Variants in PPM1H observed in about 807,000 individuals in gnomAD.
The protein encoded by PPM1H is protein phosphatase 1H.
Under a neutral mutation model 54.9 loss-of-function variants are expected in PPM1H, and 27 were observed. The ratio of observed to expected loss-of-function variants is 0.49; its 90% confidence interval spans 0.36 to 0.68. PPM1H has a LOEUF of 0.68. Among genes scored for constraint, PPM1H ranks in the 30% least tolerant of loss-of-function variants. The pLI is 0.00. For synonymous variants in PPM1H, 305 were observed against 270.8 expected (o/e 1.13, Z -1.24); for missense variants, 596 against 667.8 (o/e 0.89, Z 1.19).
At chr12:62,732,178 G>A (rs573680822) in intron 5 of PPM1H, among the ~76,000 whole-genome samples, 2 of 152,244 alleles carry the variant, frequency 1.3e-5, no homozygotes, top group East Asian at 3.9e-4. Context: ...TCACACACCT[G>A]CCACATTCCG....
chr12:62,888,407 A>G (rs542456285), intron 1 of PPM1H, among the ~76,000 whole-genome samples: 1 of 152,292 alleles, frequency 6.6e-6, no homozygotes, highest in South Asian at 2.1e-4. Flanking sequence ...CCATCTACCT[A>G]TGAATGGTAT....
intron 6 of PPM1H, among the ~76,000 whole-genome samples, chr12:62,716,439 C>T (rs2076234946): frequency 6.6e-6 from 1 of 152,166 alleles, no homozygotes; most frequent in Non-Finnish European, 1.5e-5. Context: ...TTGTCAGCCC[C>T]ATTACCATGA....
At chr12:62,825,797 G>T (rs984099729) in intron 2 of PPM1H, among the ~76,000 whole-genome samples, 9 of 151,982 alleles carry the variant, frequency 5.9e-5, no homozygotes, top group Non-Finnish European at 1.3e-4. Context: ...ATGAGTTAAT[G>T]GGTGCAGCAA....
chr12:62,801,755 G>A (rs1338296972), intron 3 of PPM1H, 61 bp downstream of exon 3: 2 of 1,567,958 alleles, frequency 1.3e-6, no homozygotes, highest in Non-Finnish European at 1.7e-6. Context: ...CAGGAAGGAC[G>A]GACAGACCTG....
At chr12:62,923,441 C>G (rs996605780) in intron 1 of PPM1H, among the ~76,000 whole-genome samples, 2 of 151,958 alleles carry the variant, frequency 1.3e-5, no homozygotes, top group African/African-American at 4.8e-5. Context: ...CCCTCTTGGC[C>G]CCCAGGCTGG....
At chr12:62,924,563 C>T (rs1292522394) in intron 1 of PPM1H, among the ~76,000 whole-genome samples, 1 of 152,234 alleles carries the variant, frequency 6.6e-6, no homozygotes, top group Non-Finnish European at 1.5e-5. Context: ...TCGAGACTAT[C>T]ATCCACTGGT....
intron 1 of PPM1H, among the ~76,000 whole-genome samples, chr12:62,878,324 G>T (rs1870255423): frequency 6.6e-6 from 1 of 152,060 alleles, no homozygotes; most frequent in African/African-American, 2.4e-5. Flanking sequence ...CCCCCATCAG[G>T]GTGTGGCACA....
At chr12:62,771,177 T>C (rs768876494) in intron 4 of PPM1H, among the ~76,000 whole-genome samples, 19 of 150,070 alleles carry the variant, frequency 1.3e-4, no homozygotes, top group South Asian at 2.1e-4. Context: ...GAGACAACCA[T>C]TGCTTGCCAA....
chr12:62,832,252 G>T lies in PPM1H; in HGVS notation c.273C>A (p.His91Gln), dbSNP rs1160093536. ...CCTCACAGCTGGCTTGGTCTTCATT[G>T]TGTGTGCTCTTCCCGGCATTGATAA... ...AEVINAGKST[H>Q]NEDQASCEVL... The change falls in exon 2 of 10, where the codon CAC becomes CAA. Residue 91 changes from histidine (H) to glutamine (Q), a missense_variant. Around this residue, in one of 3 missense-constraint regions of PPM1H, gnomAD observed 382 missense variants for 387.1 expected, o/e 0.99. Coordinates refer to ENST00000228705, the MANE Select transcript of PPM1H (RefSeq NM_020700.2). 1.2e-6 allele frequency: 2 copies of T among 1,613,094 alleles called. No homozygotes were observed. Among genetic ancestry groups the T allele is most frequent in the East Asian group, 2.2e-5 (1 of 44,854 alleles).
At chr12:62,747,222 C>T (rs925557046) in intron 4 of PPM1H, among the ~76,000 whole-genome samples, 8 of 152,122 alleles carry the variant, frequency 5.3e-5, no homozygotes, top group Admixed American at 6.5e-5. Context: ...CTGCAACCTC[C>T]GCCTCCCAGG....
chr12:62,710,921 G>C (rs754642867), intron 6 of PPM1H, among the ~76,000 whole-genome samples: 1 of 152,082 alleles, frequency 6.6e-6, no homozygotes, highest in Non-Finnish European at 1.5e-5. Context: ...AACTCATCAC[G>C]CGCTATTATA....
chr12:62,690,856 C>T (rs1470124106), intron 7 of PPM1H, among the ~76,000 whole-genome samples: 1 of 152,088 alleles, frequency 6.6e-6, no homozygotes, highest in African/African-American at 2.4e-5. Context: ...CCTGTAATCC[C>T]AGCTGCTTGG....
intron 3 of PPM1H, among the ~76,000 whole-genome samples, chr12:62,789,884 G>A (rs1352915547): frequency 6.6e-6 from 1 of 152,212 alleles, no homozygotes; most frequent in Non-Finnish European, 1.5e-5. Flanking sequence ...TAGAAGCAAA[G>A]GTTCTGTTAC....
rs1229070501 is a variant in PPM1H, at chr12:62,648,430, C to T, written c.*59G>A. The T allele has an allele frequency of 6.3e-7, 1 of 1,593,142 alleles. No homozygotes were observed. The highest frequency in any genetic ancestry group is 1.3e-5 in the African/African-American group (1 of 74,664). The stretch of plus-strand genomic sequence containing the variant: ...CAGCTGGGGCACTTCCCAGTTCCGT[C>T]CTGCCAAGAGGCATCCCAGCTTTCT... On this transcript the variant is annotated 3_prime_UTR_variant, in exon 10 of 10. Coordinates refer to ENST00000228705, the MANE Select transcript of PPM1H (RefSeq NM_020700.2).
At chr12:62,649,440 G>A (rs1355506136) in intron 9 of PPM1H, among the ~76,000 whole-genome samples, 1 of 152,170 alleles carries the variant, frequency 6.6e-6, no homozygotes, top group Non-Finnish European at 1.5e-5. Flanking sequence ...AACTTGGGAA[G>A]TGATTTGGGT....
chr12:62,877,068 A>G (rs1397772829), intron 1 of PPM1H, among the ~76,000 whole-genome samples: 1 of 152,140 alleles, frequency 6.6e-6, no homozygotes, highest in Non-Finnish European at 1.5e-5. Flanking sequence ...CAGAAAAAAA[A>G]GTTATTGTGT....
intron 2 of PPM1H, among the ~76,000 whole-genome samples, chr12:62,831,431 T>G (rs11174682): frequency 0.092 from 14,050 of 152,128 alleles, 699 homozygotes; most frequent in Middle Eastern, 0.16. Context: ...GGAGACAGGA[T>G]AAATATTTTG....
intron 8 of PPM1H, among the ~76,000 whole-genome samples, chr12:62,672,325 G>C (rs1259147643): frequency 1.3e-5 from 2 of 152,170 alleles, no homozygotes; most frequent in Admixed American, 6.6e-5. Flanking sequence ...CTTTCCTTAT[G>C]ATCTGATCAC....
chr12:62,674,863 C>A (rs1259755395), intron 8 of PPM1H, among the ~76,000 whole-genome samples: 1 of 152,170 alleles, frequency 6.6e-6, no homozygotes, highest in Non-Finnish European at 1.5e-5. Flanking sequence ...TGGATGTCCC[C>A]TGGGGAGTGG....
Sources: allele counts gnomAD v4.1 joint callset (sites outside exome capture counted in the v4.1 genomes callset), GRCh38; gene constraint gnomAD v4.1.1; regional missense constraint gnomAD v4.1.1; transcripts MANE v1.5; gene names NCBI Gene and HGNC (gene_info 2026-07-23, HGNC 2026-07-21).